Variants in INO80 observed in about 807,000 individuals in gnomAD.
INO80 encodes INO80 complex ATPase subunit.
INO80 carries 20 observed loss-of-function variants against 203.4 expected under a neutral mutation model. The ratio of observed to expected loss-of-function variants is 0.10; its 90% CI spans 0.07 to 0.14. The LOEUF (loss-of-function observed/expected upper bound fraction) is 0.14. Among genes scored for constraint, INO80 ranks in the 10% least tolerant of loss-of-function variants. INO80 has a pLI of 1.00. For missense variants in INO80, 1,419 were observed against 1,914.4 expected, an observed-to-expected ratio of 0.74 and a Z score of 4.83; for synonymous variants, 726 against 685.2, an observed-to-expected ratio of 1.06 and a Z score of -0.93.
intron 28 of INO80, among the ~76,000 whole-genome samples, chr15:41,002,218 T>C (rs2043968323): frequency 6.6e-6 from 1 of 152,214 alleles, no homozygotes; most frequent in Non-Finnish European, 1.5e-5. Flanking sequence ...TTCTAAGTTG[T>C]AGAGTCTGAA....
intron 24 of INO80, among the ~76,000 whole-genome samples, chr15:41,038,704 A>G (rs761428852): frequency 6.6e-6 from 1 of 152,188 alleles, no homozygotes; most frequent in African/African-American, 2.4e-5. Flanking sequence ...AACCATTGCT[A>G]TCGGGTCTTT....
intron 30 of INO80, 112 bp downstream of exon 30, chr15:40,987,704 T>C (rs1462510865): frequency 5.8e-6 from 6 of 1,033,608 alleles, no homozygotes; most frequent in African/African-American, 3.3e-5. Context: ...AATTGTAGTT[T>C]CGTCAGGACC....
intron 4 of INO80, among the ~76,000 whole-genome samples, chr15:41,093,224 A>C (rs2045670790): frequency 6.6e-6 from 1 of 151,896 alleles, no homozygotes; most frequent in South Asian, 2.1e-4. Context: ...CAGGAGTTTG[A>C]GAACAGCCTG....
intron 1 of INO80, among the ~76,000 whole-genome samples, chr15:41,112,804 A>AC (rs1338478841): frequency 3.3e-5 from 5 of 151,280 alleles, no homozygotes; most frequent in Non-Finnish European, 5.9e-5. Flanking sequence ...AAAAAAAAAA[A>AC]AAAAAAAAAC....
chr15:41,112,800 A>AC (rs1453303266), intron 1 of INO80, among the ~76,000 whole-genome samples: 2 of 151,354 alleles, frequency 1.3e-5, no homozygotes, highest in Non-Finnish European at 2.9e-5. Context: ...AAAAAAAAAA[A>AC]AAAAAAAAAA....
chr15:41,042,934 T>TA (rs1566924967), intron 24 of INO80, among the ~76,000 whole-genome samples: 1 of 152,196 alleles, frequency 6.6e-6, no homozygotes, highest in African/African-American at 2.4e-5. Context: ...CGTGGCCCAA[T>TA]AGCTCATTAA....
At chr15:41,069,918 A>G (rs2045283734) in intron 13 of INO80, among the ~76,000 whole-genome samples, 1 of 152,220 alleles carries the variant, frequency 6.6e-6, no homozygotes, top group Non-Finnish European at 1.5e-5. Context: ...CAAAGCATTC[A>G]TGACACACTG....
rs1448009516 is a variant in INO80, at chr15:41,092,136, T to A, written c.428A>T (p.Glu143Val). Reference sequence around the variant, plus strand: ...ATTGAGTTCTTCTTCATCATCGTCTTCACTCTGAGAATCAGCCTCGCTGGA... The same window carrying A: ...ATTGAGTTCTTCTTCATCATCGTCTACACTCTGAGAATCAGCCTCGCTGGA... ...DESSEADSQS[E>V]DDDEEELNLS... is the part of the protein sequence containing the mutation. The change falls in exon 5 of 36, where the codon GAA (glutamate) becomes GTA (valine). Residue 143 changes from glutamate to valine, a missense_variant. Around this residue, in one of 9 missense-constraint regions of INO80, gnomAD observed 323 missense variants for 325.4 expected, o/e 0.99. Transcript: ENST00000648947. 1.2e-6 allele frequency: 2 copies of A among 1,610,816 alleles called. No homozygotes were observed. The highest frequency in any genetic ancestry group is 1.7e-5 in the Admixed American group (1 of 59,992).
At chr15:41,056,748 T>C (rs1341144507) in intron 16 of INO80, 42 bp from the exon 17 acceptor site, 2 of 1,562,976 alleles carry the variant, frequency 1.3e-6, no homozygotes, top group Non-Finnish European at 1.8e-6. Flanking sequence ...TAGCAATAAA[T>C]TGTTCTTTAA....
In INO80 at chr15:41,107,178, T is replaced by A. The variant is rs760367563; in HGVS notation, c.-44+8795A>T. ...TGAAAGGCCTTGACCTCTAAAAAAA[T>A]TTTTTTTAATTTGCATACATTAAAG... On this transcript the variant is annotated intron_variant, in intron 1 of 35. Transcript: ENST00000648947. 2.0e-4 allele frequency among the ~76,000 whole-genome samples: 30 copies of A among 152,246 alleles called. 1 individual carries two copies. Among genetic ancestry groups the A allele is most frequent in the African/African-American group, 5.5e-4 (23 of 41,546 alleles).
chr15:41,097,515 G>A (rs1386323021), intron 1 of INO80, among the ~76,000 whole-genome samples: 2 of 151,768 alleles, frequency 1.3e-5, no homozygotes, highest in East Asian at 2.0e-4. Flanking sequence ...TTCAGACGGA[G>A]TTTCGCTCTT....
intron 24 of INO80, among the ~76,000 whole-genome samples, chr15:41,044,017 CAACAA>C (rs893854238): frequency 8.3e-4 from 126 of 152,252 alleles, no homozygotes; most frequent in Middle Eastern, 3.4e-3. Flanking sequence ...AGGAGTCACA[CAACAA>C]AACAAAACAA....
At chr15:40,983,203 G>T in intron 34 of INO80, 126 bp from the exon 35 acceptor site, 1 of 667,628 alleles carries the variant, frequency 1.5e-6, no homozygotes, top group Non-Finnish European at 2.5e-6. Context: ...CCCATGAGGA[G>T]GTCTATGTCT....
intron 24 of INO80, among the ~76,000 whole-genome samples, chr15:41,029,369 G>A (rs1172740105): frequency 6.6e-6 from 1 of 152,208 alleles, no homozygotes; most frequent in African/African-American, 2.4e-5. Flanking sequence ...TGTCTAGTAC[G>A]ACATATGCAC....
In INO80 at chr15:40,980,114, C is replaced by T. The variant is rs894648468; in HGVS notation, c.*109G>A. ...GTCCTTCCCCTGCTGGACATTTCCA[C>T]TTCTGACTCAGGATGCAAGATGCTG... On this transcript the variant is annotated 3_prime_UTR_variant, in exon 36 of 36. Transcript: ENST00000648947. The T allele has an allele frequency of 2.2e-6, 2 of 894,002 alleles. No individual in the cohort carries two copies. Among genetic ancestry groups the T allele is most frequent in the African/African-American group, 3.3e-5 (2 of 60,296 alleles). The allele number at this position is 894,002 out of a possible 1,614,324, so 55.4% of individuals were successfully genotyped here. A position where few individuals can be genotyped will look rare whatever the true frequency, so the allele number is the denominator to read the frequency against.
chr15:41,068,279 A>G (rs568529648), intron 14 of INO80, among the ~76,000 whole-genome samples: 1 of 151,990 alleles, frequency 6.6e-6, no homozygotes, highest in African/African-American at 2.4e-5. Flanking sequence ...AATGGGCTGG[A>G]TGGAGTGGCT....
intron 1 of INO80, among the ~76,000 whole-genome samples, chr15:41,104,972 A>G (rs1302000635): frequency 6.6e-6 from 1 of 152,224 alleles, no homozygotes; most frequent in East Asian, 1.9e-4. Context: ...GTAGTAACAG[A>G]CAAGTTATGT....
chr15:41,057,905 C>T (rs761347666), intron 16 of INO80, among the ~76,000 whole-genome samples: 9 of 150,158 alleles, frequency 6.0e-5, no homozygotes, highest in Non-Finnish European at 1.2e-4. Flanking sequence ...AAATTTCTAA[C>T]GACTCACCAT....
intron 24 of INO80, among the ~76,000 whole-genome samples, chr15:41,037,428 C>T (rs2044596364): frequency 6.6e-6 from 1 of 151,868 alleles, no homozygotes; most frequent in Admixed American, 6.6e-5. Flanking sequence ...ACTTTGAACC[C>T]AGGAGGCAGA....
Sources: allele counts gnomAD v4.1 joint callset (sites outside exome capture counted in the v4.1 genomes callset), GRCh38; gene constraint gnomAD v4.1.1; regional missense constraint gnomAD v4.1.1; transcripts MANE v1.5; gene names NCBI Gene and HGNC (gene_info 2026-07-23, HGNC 2026-07-21).